Variants in BLTP3B observed in about 807,000 individuals in gnomAD.
The protein encoded by BLTP3B is UHRF1 (ICBP90) binding protein 1-like.
chr12:100,137,234 C>T, the BLTP3B span, among the ~76,000 whole-genome samples: 3 of 152,324 alleles, frequency 2.0e-5, no homozygotes, highest in African/African-American at 7.2e-5. Flanking sequence ...TACTTTTCCA[C>T]CTAGATAGCA....
chr12:100,132,697 A>G, the BLTP3B span, among the ~76,000 whole-genome samples: 1 of 152,182 alleles, frequency 6.6e-6, no homozygotes, highest in Non-Finnish European at 1.5e-5. Context: ...CTGTAATCCC[A>G]GCACTTTGGG....
chr12:100,055,429 C>T, the BLTP3B span, among the ~76,000 whole-genome samples: 1 of 152,064 alleles, frequency 6.6e-6, no homozygotes, highest in Admixed American at 6.6e-5. Flanking sequence ...GTAATCCCAG[C>T]ATTTTGGGAG....
At chr12:100,037,672 A>G in the BLTP3B span, 16 of 1,610,362 alleles carry the variant, frequency 9.9e-6, no homozygotes, top group African/African-American at 2.7e-5. Context: ...GATGAAGAAG[A>G]GCATCTTTTT....
chr12:100,102,942 C>A, the BLTP3B span: 1 of 894,390 alleles, frequency 1.1e-6, no homozygotes, highest in East Asian at 3.2e-5. Context: ...TTTTCTCTTT[C>A]ATTTTTCTTT....
chr12:100,100,378 G>A, the BLTP3B span, among the ~76,000 whole-genome samples: 1 of 151,908 alleles, frequency 6.6e-6, no homozygotes, highest in Non-Finnish European at 1.5e-5. Context: ...TGGTTCTCAG[G>A]GCTGCAAAAA....
the BLTP3B span, among the ~76,000 whole-genome samples, chr12:100,064,113 T>C: frequency 2.0e-5 from 3 of 152,170 alleles, no homozygotes; most frequent in Admixed American, 6.5e-5. Flanking sequence ...CAGGAATAAA[T>C]AGACACACTC....
chr12:100,096,425 T>C, the BLTP3B span, among the ~76,000 whole-genome samples: 1 of 152,310 alleles, frequency 6.6e-6, no homozygotes, highest in East Asian at 1.9e-4. Context: ...ATATAATTAC[T>C]TGTATTAATT....
the BLTP3B span, among the ~76,000 whole-genome samples, chr12:100,122,814 A>G: frequency 2.0e-5 from 3 of 151,984 alleles, no homozygotes; most frequent in Non-Finnish European, 2.9e-5. Context: ...AAACTCCCCA[A>G]AAGCCCTTGC....
the BLTP3B span, chr12:100,084,805 C>T: frequency 1.9e-3 from 1,413 of 762,290 alleles, 16 homozygotes; most frequent in East Asian, 0.027. Flanking sequence ...CATGTAATTT[C>T]GAAATATGAG....
At chr12:100,106,775 G>A in the BLTP3B span, among the ~76,000 whole-genome samples, 2 of 152,104 alleles carry the variant, frequency 1.3e-5, no homozygotes, top group African/African-American at 4.8e-5. Context: ...TTTACTGAAA[G>A]TGTCAAGTCT....
At chr12:100,091,453 A>T in the BLTP3B span, among the ~76,000 whole-genome samples, 1 of 150,244 alleles carries the variant, frequency 6.7e-6, no homozygotes, top group Non-Finnish European at 1.5e-5. Context: ...CTCCCAAAGT[A>T]CTGGGATTTC....
chr12:100,058,578 G>A, the BLTP3B span: 5 of 1,612,898 alleles, frequency 3.1e-6, no homozygotes, highest in East Asian at 4.5e-5. Context: ...CCCATTTTCT[G>A]TAGGCAAATA....
At chr12:100,080,818 G>A in the BLTP3B span, among the ~76,000 whole-genome samples, 1 of 134,018 alleles carries the variant, frequency 7.5e-6, no homozygotes, top group Admixed American at 7.5e-5. Context: ...GATTTGGGAG[G>A]GGCCAGGGCA....
the BLTP3B span, among the ~76,000 whole-genome samples, chr12:100,079,539 TG>T: frequency 6.6e-6 from 1 of 152,224 alleles, no homozygotes; most frequent in Non-Finnish European, 1.5e-5. Flanking sequence ...AAGGGTGACT[TG>T]GGTGTTCTTA....
the BLTP3B span, among the ~76,000 whole-genome samples, chr12:100,116,027 C>G: frequency 6.6e-6 from 1 of 151,968 alleles, no homozygotes; most frequent in Non-Finnish European, 1.5e-5. Flanking sequence ...AAAAAGTTAG[C>G]TGGGTGTGGT....
At chr12:100,042,742 G>A in the BLTP3B span, among the ~76,000 whole-genome samples, 1 of 152,158 alleles carries the variant, frequency 6.6e-6, no homozygotes, top group African/African-American at 2.4e-5. Flanking sequence ...CTTGAGGCGT[G>A]AGCAAAAAGA....
chr12:100,133,699 T>A, the BLTP3B span, among the ~76,000 whole-genome samples: 2 of 152,318 alleles, frequency 1.3e-5, no homozygotes, highest in East Asian at 3.9e-4. Flanking sequence ...AGGATTCTAG[T>A]ATGCTAATAT....
the BLTP3B span, among the ~76,000 whole-genome samples, chr12:100,133,166 C>T: frequency 3.0e-4 from 46 of 151,764 alleles, no homozygotes; most frequent in Non-Finnish European, 4.1e-4. Flanking sequence ...GGCATGAACC[C>T]GGGAGGCGGA....
At chr12:100,038,305 C>T in the BLTP3B span, among the ~76,000 whole-genome samples, 2 of 152,150 alleles carry the variant, frequency 1.3e-5, no homozygotes, top group African/African-American at 4.8e-5. Context: ...CTCTCCTGAG[C>T]TCCAGACTCA....
Sources: gnomAD v4.1 joint callset for allele counts (sites outside exome capture counted in the v4.1 genomes callset) on GRCh38, gnomAD v4.1.1 for gene constraint, MANE v1.5 for transcripts, NCBI Gene and HGNC (gene_info 2026-07-23, HGNC 2026-07-21) for gene names.